ACVR1C: variants seen among roughly 807,000 people sequenced by gnomAD.
ACVR1C encodes activin receptor type-1C.
A neutral mutation model predicts 57.9 loss-of-function variants in ACVR1C; 23 were observed. That is an observed-to-expected ratio of 0.40 (90% CI 0.29 to 0.56). The LOEUF (loss-of-function observed/expected upper bound fraction) is 0.56. ACVR1C is among the 20% of genes least tolerant of loss of function. ACVR1C has a pLI of 0.50. For missense variants in ACVR1C, 480 were observed against 607.9 expected (o/e 0.79, Z 2.21); for synonymous variants, 214 against 215.3 (o/e 0.99, Z 0.05).
chr2:157,601,594 A>T (rs898785281), intron 1 of ACVR1C, among the ~76,000 whole-genome samples: 16 of 152,226 alleles, frequency 1.1e-4, no homozygotes, highest in Non-Finnish European at 7.3e-5. Context: ...ATAGTGATAT[A>T]AAACAAAACA....
At chr2:157,556,657 CTTTTTTT>C (rs1169628343) in intron 2 of ACVR1C, among the ~76,000 whole-genome samples, 1 of 87,902 alleles carries the variant, frequency 1.1e-5, no homozygotes. Context: ...CAGCAGTACA[CTTTTTTT>C]TTTTTTTTTT....
At chr2:157,594,213 C>G (rs1573943135) in intron 1 of ACVR1C, among the ~76,000 whole-genome samples, 1 of 152,268 alleles carries the variant, frequency 6.6e-6, no homozygotes, top group East Asian at 1.9e-4. Context: ...TTTTAGTTCA[C>G]CTGACCACCA....
chr2:157,564,673 C>A (rs1339734893), intron 2 of ACVR1C, among the ~76,000 whole-genome samples: 2 of 152,150 alleles, frequency 1.3e-5, no homozygotes, highest in African/African-American at 4.8e-5. Flanking sequence ...TAATACAGCA[C>A]TATTTACAAT....
At chr2:157,580,843 CA>C (rs1198793551) in intron 2 of ACVR1C, among the ~76,000 whole-genome samples, 3 of 151,684 alleles carry the variant, frequency 2.0e-5, no homozygotes, top group African/African-American at 7.3e-5. Flanking sequence ...ATAAATCAGA[CA>C]ACTAAGAATG....
intron 1 of ACVR1C, among the ~76,000 whole-genome samples, chr2:157,591,312 G>A (rs1395711737): frequency 6.6e-6 from 1 of 151,938 alleles, no homozygotes; most frequent in African/African-American, 2.4e-5. Context: ...AAAGACAAAG[G>A]TCTCAGCCCT....
chr2:157,551,963 C>T (rs1366624693), intron 3 of ACVR1C, among the ~76,000 whole-genome samples: 1 of 152,294 alleles, frequency 6.6e-6, no homozygotes, highest in Non-Finnish European at 1.5e-5. Context: ...TCTGGTTCAA[C>T]CCTATCATTT....
At chr2:157,612,955 T>C (rs890793958) in intron 1 of ACVR1C, among the ~76,000 whole-genome samples, 1 of 152,216 alleles carries the variant, frequency 6.6e-6, no homozygotes, top group African/African-American at 2.4e-5. Context: ...GGGATGTGTG[T>C]GACCCAGTAC....
chr2:157,601,974 G>T (rs1220091764), intron 1 of ACVR1C, among the ~76,000 whole-genome samples: 2 of 152,122 alleles, frequency 1.3e-5, no homozygotes, highest in African/African-American at 4.8e-5. Context: ...GCTATTCAGA[G>T]CTCAACATTT....
intron 2 of ACVR1C, among the ~76,000 whole-genome samples, chr2:157,585,020 G>A (rs1180044329): frequency 6.6e-6 from 1 of 152,016 alleles, no homozygotes. Flanking sequence ...TCCTTTCATG[G>A]GAAACTCTAG....
chr2:157,533,103 T>C lies in ACVR1C; in HGVS notation c.*815A>G, dbSNP rs1687395099. 6.6e-6 allele frequency: 1 copy of C among 152,258 alleles called. No individual in the cohort carries two copies. The highest frequency in any genetic ancestry group is 1.9e-4 in the East Asian group (1 of 5,178). The allele number at this position is 152,258 out of a possible 1,614,324, so 9.4% of individuals were successfully genotyped here. A position where few individuals can be genotyped will look rare whatever the true frequency, so the allele number is the denominator to read the frequency against. On this transcript the variant is annotated 3_prime_UTR_variant, in exon 9 of 9. Coordinates refer to ENST00000243349, the MANE Select transcript of ACVR1C (RefSeq NM_145259.3). ...GCCTTCTAAACCACAAATATCATAA[T>C]AAAAGATATTACATAGGGAGAAAAG...
At chr2:157,585,302 G>A (rs1161428732) in intron 2 of ACVR1C, among the ~76,000 whole-genome samples, 1 of 151,968 alleles carries the variant, frequency 6.6e-6, no homozygotes, top group Non-Finnish European at 1.5e-5. Context: ...CTATTTTTTT[G>A]TAAATAAATA....
chr2:157,588,236 TACACACACAC>T (rs10572950), intron 1 of ACVR1C, among the ~76,000 whole-genome samples: 183 of 147,882 alleles, frequency 1.2e-3, no homozygotes, highest in Middle Eastern at 3.5e-3. Context: ...CTCCACTTAC[TACACACACAC>T]ACACACACAC....
intron 1 of ACVR1C, among the ~76,000 whole-genome samples, chr2:157,591,939 A>T (rs985397275): frequency 6.6e-6 from 1 of 152,118 alleles, no homozygotes; most frequent in Non-Finnish European, 1.5e-5. Context: ...CTAAGGTGCC[A>T]TAAAGAAATG....
chr2:157,599,170 T>TA (rs1310356880), intron 1 of ACVR1C, among the ~76,000 whole-genome samples: 2 of 151,342 alleles, frequency 1.3e-5, no homozygotes, highest in Non-Finnish European at 2.9e-5. Context: ...CCGTCTCCAC[T>TA]AAAAATACCA....
intron 1 of ACVR1C, among the ~76,000 whole-genome samples, chr2:157,591,605 T>C (rs1689055827): frequency 6.6e-6 from 1 of 152,014 alleles, no homozygotes; most frequent in African/African-American, 2.4e-5. Flanking sequence ...AAAGAGTAAC[T>C]CTTCTGACAC....
At position 157,550,254 on chromosome 2, in the gene ACVR1C, T is replaced by A; in HGVS notation, c.683A>T (p.Asp228Val). ...DVAVKIFSSR[D>V]ERSWFREAEI... The stretch of plus-strand genomic sequence containing the variant: ...TGCCTCACGAAACCAAGATCTTTCA[T>A]CTCTGGAGGAGAATATTTTCACAGC... The change falls in exon 4 of 9, where the codon GAT (aspartate) becomes GTT (valine). Residue 228 changes from aspartate to valine, a missense_variant. Transcript: ENST00000243349. The A allele has an allele frequency of 6.2e-7, 1 of 1,614,160 alleles. No individual in the cohort carries two copies.
At chr2:157,575,116 C>A (rs904155741) in intron 2 of ACVR1C, among the ~76,000 whole-genome samples, 2 of 151,482 alleles carry the variant, frequency 1.3e-5, no homozygotes, top group Non-Finnish European at 2.9e-5. Flanking sequence ...TGTGCACCAC[C>A]ATACCCGGCA....
chr2:157,545,440 C>T (rs1379278849), intron 4 of ACVR1C, among the ~76,000 whole-genome samples: 1 of 152,078 alleles, frequency 6.6e-6, no homozygotes, highest in African/African-American at 2.4e-5. Flanking sequence ...GATAAAATTT[C>T]CTAAGAATTT....
At chr2:157,591,871 A>C (rs1689059760) in intron 1 of ACVR1C, among the ~76,000 whole-genome samples, 1 of 152,092 alleles carries the variant, frequency 6.6e-6, no homozygotes, top group African/African-American at 2.4e-5. Context: ...TCAAAAAGAC[A>C]AAGTGACTGA....
Sources: allele counts gnomAD v4.1 joint callset (sites outside exome capture counted in the v4.1 genomes callset), GRCh38; gene constraint gnomAD v4.1.1; transcripts MANE v1.5; gene names NCBI Gene and HGNC (gene_info 2026-07-23, HGNC 2026-07-21).